Variants in ELOVL6 observed in about 807,000 individuals in gnomAD.
The protein encoded by ELOVL6 is very long chain fatty acid elongase 6.
A neutral mutation model predicts 31.7 loss-of-function variants in ELOVL6; 8 were observed. That is an observed-to-expected ratio of 0.25 (90% CI 0.15 to 0.45). The LOEUF (loss-of-function observed/expected upper bound fraction) is 0.45, where lower values mean the gene tolerates loss of function less well. Among genes scored for constraint, ELOVL6 ranks in the 20% least tolerant of loss-of-function variants. The pLI, the probability that ELOVL6 is intolerant of heterozygous loss-of-function variation, is 1.00. For missense variants in ELOVL6, 126 were observed against 326.4 expected, an observed-to-expected ratio of 0.39 and a Z score of 4.73; for synonymous variants, 101 against 117.7, an observed-to-expected ratio of 0.86 and a Z score of 0.92.
intron 2 of ELOVL6, among the ~76,000 whole-genome samples, chr4:110,082,996 T>C (rs1755924130): frequency 1.3e-5 from 2 of 151,554 alleles, no homozygotes; most frequent in Admixed American, 1.3e-4. Flanking sequence ...GTGCCCAACA[T>C]GAGCAAAACA....
At chr4:110,077,932 C>T (rs953294008) in intron 2 of ELOVL6, among the ~76,000 whole-genome samples, 1 of 152,134 alleles carries the variant, frequency 6.6e-6, no homozygotes, top group South Asian at 2.1e-4. Flanking sequence ...ATGAGAACTA[C>T]GTGATGAATG....
chr4:110,158,657 A>ATATATATATAT, intron 1 of ELOVL6, among the ~76,000 whole-genome samples: 60 of 74,162 alleles, frequency 8.1e-4, no homozygotes, highest in African/African-American at 4.7e-3. Flanking sequence ...ATATATATAT[A>ATATATATATAT]TTTTTTTTTT....
At chr4:110,175,552 C>A (rs1759079034) in intron 1 of ELOVL6, among the ~76,000 whole-genome samples, 1 of 152,124 alleles carries the variant, frequency 6.6e-6, no homozygotes, top group African/African-American at 2.4e-5. Context: ...ACATATACAG[C>A]ATCAGTGAAA....
At chr4:110,084,426 C>CTATATCATATATGATATATCACATATATG (rs1756136995) in intron 2 of ELOVL6, among the ~76,000 whole-genome samples, 3 of 67,498 alleles carry the variant, frequency 4.4e-5, no homozygotes, top group African/African-American at 1.6e-4. Context: ...TGATATATCA[C>CTATATCATATATGATATATCACATATATG]ATATATCATA....
chr4:110,115,208 A>C (rs1040329265), intron 1 of ELOVL6, among the ~76,000 whole-genome samples: 1 of 152,174 alleles, frequency 6.6e-6, no homozygotes, highest in Non-Finnish European at 1.5e-5. Flanking sequence ...TATACCCCAA[A>C]TACTATTTCT....
chr4:110,072,033 A>G (rs1755499871), intron 2 of ELOVL6, among the ~76,000 whole-genome samples: 1 of 152,166 alleles, frequency 6.6e-6, no homozygotes, highest in Non-Finnish European at 1.5e-5. Flanking sequence ...AAATCAATCC[A>G]CCAGCGTGAG....
At chr4:110,133,060 C>T (rs17041386) in intron 1 of ELOVL6, among the ~76,000 whole-genome samples, 17,859 of 151,634 alleles carry the variant, frequency 0.12, 1,369 homozygotes, top group East Asian at 0.28. Flanking sequence ...CAATACAGAA[C>T]CTAATGGGAA....
At chr4:110,165,212 C>T (rs953395867) in intron 1 of ELOVL6, among the ~76,000 whole-genome samples, 1 of 152,206 alleles carries the variant, frequency 6.6e-6, no homozygotes, top group Non-Finnish European at 1.5e-5. Flanking sequence ...TCTCCATTAT[C>T]CTCTCACAGA....
At chr4:110,069,563 T>C (rs1755408177) in intron 2 of ELOVL6, among the ~76,000 whole-genome samples, 1 of 152,140 alleles carries the variant, frequency 6.6e-6, no homozygotes, top group Non-Finnish European at 1.5e-5. Flanking sequence ...GGAATTTGAT[T>C]CTCCCTACAC....
At chr4:110,070,630 G>A (rs550232488) in intron 2 of ELOVL6, among the ~76,000 whole-genome samples, 5 of 152,286 alleles carry the variant, frequency 3.3e-5, no homozygotes, top group East Asian at 3.9e-4. Context: ...AGTGTTGGAG[G>A]AGGGGCCTGC....
At chr4:110,075,838 C>T (rs1755612121) in intron 2 of ELOVL6, among the ~76,000 whole-genome samples, 1 of 152,166 alleles carries the variant, frequency 6.6e-6, no homozygotes, top group Non-Finnish European at 1.5e-5. Flanking sequence ...ACTCCTATTC[C>T]TTAAAGAATC....
chr4:110,193,887 G>A (rs927447129), intron 1 of ELOVL6, among the ~76,000 whole-genome samples: 1 of 152,152 alleles, frequency 6.6e-6, no homozygotes, highest in African/African-American at 2.4e-5. Flanking sequence ...TGAAGTTCTA[G>A]GCAAGCCCTT....
rs1491172211 is a variant in ELOVL6 at position 110,084,183 on chromosome 4, TAA to T, written c.221+21312_221+21313del. On this transcript the variant is annotated intron_variant, in intron 2 of 3. Transcript: ENST00000302274. ...ATATATGTGATATATATGATATATA[TAA>T]CATATAACTTATATGATATATATAA... Among the ~76,000 whole-genome samples, 13 of 64,752 alleles carry T rather than the reference TAA, an allele frequency of 2.0e-4. 2 individuals are homozygous for T. Among genetic ancestry groups the T allele is most frequent in the African/African-American group, 1.0e-3 (11 of 10,660 alleles). The allele number at this position is 64,752 out of a possible 152,430, so 42.5% of individuals were successfully genotyped here.
chr4:110,141,853 T>A (rs1757970041), intron 1 of ELOVL6, among the ~76,000 whole-genome samples: 1 of 55,814 alleles, frequency 1.8e-5, no homozygotes, highest in African/African-American at 6.0e-5. Context: ...ACAATACAAT[T>A]AGTATATATA....
chr4:110,081,936 T>G (rs557458123), intron 2 of ELOVL6, among the ~76,000 whole-genome samples: 2 of 151,190 alleles, frequency 1.3e-5, no homozygotes, highest in Admixed American at 6.6e-5. Flanking sequence ...GGGTGAAGGA[T>G]ATGAACAGAC....
At chr4:110,132,570 T>C (rs1757698859) in intron 1 of ELOVL6, among the ~76,000 whole-genome samples, 1 of 152,052 alleles carries the variant, frequency 6.6e-6, no homozygotes, top group Admixed American at 6.6e-5. Flanking sequence ...CTCATGCCTG[T>C]AAACCCAGCA....
At chr4:110,167,489 TG>T (rs577489694) in intron 1 of ELOVL6, among the ~76,000 whole-genome samples, 9 of 152,270 alleles carry the variant, frequency 5.9e-5, no homozygotes, top group African/African-American at 9.6e-5. Context: ...TACTAAAGGA[TG>T]TTTTTTTGGT....
At chr4:110,179,927 C>T (rs891322842) in intron 1 of ELOVL6, among the ~76,000 whole-genome samples, 1 of 152,224 alleles carries the variant, frequency 6.6e-6, no homozygotes. Flanking sequence ...TAGAACATGT[C>T]ATCAGCTTCA....
chr4:110,084,193 C>CA (rs1560814458), intron 2 of ELOVL6, among the ~76,000 whole-genome samples: 1,882 of 41,656 alleles, frequency 0.045, 148 homozygotes, highest in East Asian at 0.07. Flanking sequence ...TAACATATAA[C>CA]TTATATGATA....
Sources: allele counts gnomAD v4.1 joint callset (sites outside exome capture counted in the v4.1 genomes callset), GRCh38; gene constraint gnomAD v4.1.1; transcripts MANE v1.5; gene names NCBI Gene and HGNC (gene_info 2026-07-23, HGNC 2026-07-21).